The following ESRRG variants were observed in gnomAD, a reference collection of about 807,000 sequenced individuals.
ESRRG encodes estrogen-related receptor gamma.
Under a neutral mutation model 44.0 loss-of-function variants are expected in ESRRG, and 13 were observed. That is an observed-to-expected ratio of 0.30 (90% CI 0.19 to 0.47). The LOEUF (loss-of-function observed/expected upper bound fraction) is 0.47. Ranked by LOEUF, ESRRG falls within the 20% of genes least tolerant of loss-of-function variation. The pLI is 1.00. For missense variants in ESRRG, 395 were observed against 580.6 expected (o/e 0.68, Z 3.29); for synonymous variants, 215 against 214.6 (o/e 1.00, Z -0.02).
chr1:216,934,032 T>C (rs1029266930), intron 2 of ESRRG, among the ~76,000 whole-genome samples: 8 of 152,216 alleles, frequency 5.3e-5, no homozygotes, highest in Non-Finnish European at 1.0e-4. Flanking sequence ...AGTATGCGTA[T>C]TTTATTAACC....
chr1:216,776,440 C>A (rs143482871), intron 2 of ESRRG, among the ~76,000 whole-genome samples: 75 of 152,210 alleles, frequency 4.9e-4, no homozygotes, highest in Admixed American at 9.8e-4. Context: ...CCTGTTCTAG[C>A]ACTTACCACA....
At chr1:216,721,067 CTATT>C (rs2086160753) in intron 1 of ESRRG, among the ~76,000 whole-genome samples, 1 of 152,192 alleles carries the variant, frequency 6.6e-6, no homozygotes, top group African/African-American at 2.4e-5. Flanking sequence ...TTATTTTCAT[CTATT>C]TATGCTATCA....
chr1:217,042,451 T>C (rs1331022576), intron 1 of ESRRG, among the ~76,000 whole-genome samples: 1 of 137,822 alleles, frequency 7.3e-6, no homozygotes, highest in African/African-American at 2.7e-5. Flanking sequence ...AAGGAAAAAA[T>C]GCACACACAC....
chr1:217,137,073 A>G (rs2093060162), intron 1 of ESRRG, among the ~76,000 whole-genome samples: 1 of 151,800 alleles, frequency 6.6e-6, no homozygotes, highest in African/African-American at 2.4e-5. Context: ...GCTGGGGGGG[A>G]GGGAGCCGGA....
intron 1 of ESRRG, among the ~76,000 whole-genome samples, chr1:217,050,971 G>A (rs893170608): frequency 4.0e-5 from 6 of 151,876 alleles, no homozygotes; most frequent in African/African-American, 1.5e-4. Flanking sequence ...GGTGTGGGAA[G>A]GACTCAGTGA....
intron 2 of ESRRG, among the ~76,000 whole-genome samples, chr1:216,790,180 A>C (rs1022895360): frequency 6.6e-6 from 1 of 152,166 alleles, no homozygotes; most frequent in Non-Finnish European, 1.5e-5. Context: ...TGCCATAGTC[A>C]CTTCAGTCTG....
chr1:217,046,008 C>G (rs1327246237), intron 1 of ESRRG, among the ~76,000 whole-genome samples: 3 of 151,820 alleles, frequency 2.0e-5, no homozygotes, highest in African/African-American at 7.3e-5. Flanking sequence ...TGCTAAATGA[C>G]AAGAGGAACA....
intron 2 of ESRRG, among the ~76,000 whole-genome samples, chr1:216,789,214 A>C (rs1250698876): frequency 1.3e-5 from 2 of 152,106 alleles, no homozygotes; most frequent in Non-Finnish European, 2.9e-5. Flanking sequence ...TTATTCATGA[A>C]AGTAAGAGTC....
At chr1:216,661,015 A>C (rs1246026014) in intron 2 of ESRRG, among the ~76,000 whole-genome samples, 1 of 152,234 alleles carries the variant, frequency 6.6e-6, no homozygotes, top group Non-Finnish European at 1.5e-5. Flanking sequence ...AAATACATTT[A>C]AAAAGGACTG....
At chr1:216,554,615 G>T (rs904766235) in intron 5 of ESRRG, among the ~76,000 whole-genome samples, 7 of 152,072 alleles carry the variant, frequency 4.6e-5, no homozygotes, top group Non-Finnish European at 7.4e-5. Context: ...CAGCCTGAGT[G>T]ACAGAGCAAA....
At chr1:217,021,767 G>T (rs1175777461) in intron 1 of ESRRG, among the ~76,000 whole-genome samples, 1 of 152,166 alleles carries the variant, frequency 6.6e-6, no homozygotes, top group African/African-American at 2.4e-5. Flanking sequence ...TTGAACCATT[G>T]TCTCTTGCTG....
chr1:216,871,006 A>T lies in ESRRG; in HGVS notation c.-14+68576T>A, dbSNP rs368395037. Among the ~76,000 whole-genome samples, 26 of 152,020 alleles carry T rather than the reference A, an allele frequency of 1.7e-4. No individual in the cohort carries two copies. The South Asian group carries it at 5.4e-3, about 32-fold the overall frequency. ...ATTAATTTATGCTTATATCTTTATG[A>T]GTATACTCTTCATTCTACTTACTTT... On this transcript the variant is annotated intron_variant, in intron 2 of 7. Coordinates refer to the ESRRG transcript ENST00000359162.
At chr1:216,539,523 C>T (rs1248020766) in intron 5 of ESRRG, among the ~76,000 whole-genome samples, 1 of 151,976 alleles carries the variant, frequency 6.6e-6, no homozygotes, top group African/African-American at 2.4e-5. Flanking sequence ...GGCCTCCTTC[C>T]TGTTCCTGGA....
At chr1:216,754,721 T>G (rs2092335900) in intron 2 of ESRRG, among the ~76,000 whole-genome samples, 1 of 142,048 alleles carries the variant, frequency 7.0e-6, no homozygotes, top group Non-Finnish European at 1.5e-5. Context: ...TTTTTTTTTT[T>G]GCCACATTTT....
intron 2 of ESRRG, among the ~76,000 whole-genome samples, chr1:216,869,891 A>G (rs1485374228): frequency 6.6e-6 from 1 of 151,930 alleles, no homozygotes; most frequent in Non-Finnish European, 1.5e-5. Context: ...TTGTATGTTA[A>G]CCTTGTAACC....
chr1:216,905,084 A>C (rs1047490623), intron 2 of ESRRG, among the ~76,000 whole-genome samples: 1 of 152,146 alleles, frequency 6.6e-6, no homozygotes, highest in Non-Finnish European at 1.5e-5. Context: ...TAGCCAAGCA[A>C]ATTAAAGATA....
chr1:216,799,157 T>TATA (rs1342223983), intron 2 of ESRRG, among the ~76,000 whole-genome samples: 1 of 152,130 alleles, frequency 6.6e-6, no homozygotes, highest in Non-Finnish European at 1.5e-5. Flanking sequence ...TTACTTAACC[T>TATA]ATACCATTGC....
chr1:216,551,347 G>T (rs1460504610), intron 5 of ESRRG, among the ~76,000 whole-genome samples: 1 of 152,036 alleles, frequency 6.6e-6, no homozygotes, highest in Admixed American at 6.6e-5. Flanking sequence ...ATTACAAAGT[G>T]TTTAGGAAAA....
chr1:216,569,539 C>T (rs1183402899), intron 3 of ESRRG, among the ~76,000 whole-genome samples: 1 of 152,076 alleles, frequency 6.6e-6, no homozygotes, highest in Non-Finnish European at 1.5e-5. Flanking sequence ...TCATTAATAT[C>T]AGGAAGTGAT....
Sources: allele counts gnomAD v4.1 joint callset (sites outside exome capture counted in the v4.1 genomes callset), GRCh38; gene constraint gnomAD v4.1.1; transcripts MANE v1.5; gene names NCBI Gene and HGNC (gene_info 2026-07-23, HGNC 2026-07-21).